Variants in IYD observed in about 807,000 individuals in gnomAD.
The protein encoded by IYD is iodotyrosine deiodinase 1.
Under a neutral mutation model 28.4 loss-of-function variants are expected in IYD, and 25 were observed. The observed-to-expected ratio is 0.88, with a 90% CI of 0.64 to 1.23. IYD has a LOEUF of 1.23. Ranked by LOEUF, IYD falls within the 50% of genes most tolerant of loss-of-function variation. The probability of loss-of-function intolerance (pLI) is 0.00; values close to 1 mark genes in which losing one functional copy is unlikely to be tolerated. For missense variants in IYD, 352 were observed against 357.9 expected (o/e 0.98, Z 0.13); for synonymous variants, 140 against 130.8 (o/e 1.07, Z -0.48).
intron 1 of IYD, among the ~76,000 whole-genome samples, chr6:150,387,986 A>C (rs971097519): frequency 6.6e-6 from 1 of 151,764 alleles, no homozygotes; most frequent in South Asian, 2.1e-4. Flanking sequence ...TGGGCATCTG[A>C]CTTTATTTTT....
intron 1 of IYD, among the ~76,000 whole-genome samples, chr6:150,388,626 T>TCTTTCTTTCTTTC (rs1365065110): frequency 3.9e-4 from 53 of 136,744 alleles, no homozygotes; most frequent in East Asian, 1.8e-3. Flanking sequence ...AGTCTGGAGT[T>TCTTTCTTTCTTTC]TTTGCTTTCT....
rs1362734951 is a variant in IYD at position 150,399,254 on chromosome 6, G to A, written c.*1017G>A. ...ACATTCATAGCTTGAAATTGCCCAT[G>A]GTGGGAGAGTTTACATCACAACCAC... is the stretch of plus-strand genomic sequence containing the variant. On this transcript the variant is annotated 3_prime_UTR_variant, in exon 5 of 5. Coordinates refer to ENST00000344419, the MANE Select transcript of IYD (RefSeq NM_203395.3). 1.3e-5 allele frequency: 2 copies of A among 152,164 alleles called. No homozygotes were observed. Among genetic ancestry groups the A allele is most frequent in the African/African-American group, 2.4e-5 (1 of 41,428 alleles). 9.4% of individuals were successfully genotyped at this position (152,164 alleles called of 1,614,324 possible).
chr6:150,391,611 G>A lies in IYD; in HGVS notation c.371-734G>A, dbSNP rs986008405. Among the ~76,000 whole-genome samples, 5 of 152,308 alleles carry A rather than the reference G, an allele frequency of 3.3e-5. 1 individual carries two copies. The South Asian group carries it at 8.3e-4, about 25-fold the overall frequency. On this transcript the variant is annotated intron_variant, in intron 2 of 4. Coordinates refer to ENST00000344419, the MANE Select transcript of IYD (RefSeq NM_203395.3). Reference sequence around the variant, plus strand: ...TTGATCATTGATCAGTTGGCCTGACGCTGAACAAAACAAACTTGGCAGCAG... The same window carrying A: ...TTGATCATTGATCAGTTGGCCTGACACTGAACAAAACAAACTTGGCAGCAG...
chr6:150,395,362 T>C (rs1176340473), intron 4 of IYD: 1 of 1,496,816 alleles, frequency 6.7e-7, no homozygotes, highest in Non-Finnish European at 9.0e-7. Context: ...GAATAACACC[T>C]CCCAAAATGT....
intron 1 of IYD, among the ~76,000 whole-genome samples, chr6:150,380,039 G>A (rs1376398930): frequency 6.6e-6 from 1 of 152,096 alleles, no homozygotes. Flanking sequence ...AGTGAGGGAG[G>A]AAGCTTTCCC....
intron 1 of IYD, 106 bp downstream of exon 1, chr6:150,369,315 C>A: frequency 9.5e-7 from 1 of 1,052,420 alleles, no homozygotes; most frequent in Non-Finnish European, 1.4e-6. Context: ...CACAGGCCAG[C>A]TTCAACATCA....
At position 150,370,013 on chromosome 6, in the gene IYD, G is replaced by A. The variant is rs531722634; in HGVS notation, c.178+804G>A. On this transcript the variant is annotated intron_variant, in intron 1 of 4. Coordinates refer to ENST00000344419, the MANE Select transcript of IYD (RefSeq NM_203395.3). ...GAAGAAGAGGTGATGAAGGAGGCAG[G>A]TAGGAAGGGAGAGAGCGTGGAGGAA... 89 of 702,296 alleles carry A rather than the reference G, an allele frequency of 1.3e-4. No homozygotes were observed. The African/African-American group carries it at 1.5e-3, about 12-fold the overall frequency. The allele number at this position is 702,296 out of a possible 1,614,324, so 43.5% of individuals were successfully genotyped here. A position where few individuals can be genotyped will look rare whatever the true frequency, so the allele number is the denominator to read the frequency against.
rs1464176478 is a variant in IYD at position 150,381,847 on chromosome 6, T to A, written c.179-7505T>A. On this transcript the variant is annotated intron_variant, in intron 1 of 4. Transcript: ENST00000344419. Reference sequence around the variant, plus strand: ...TATTCATTTTCACTATTGTATAGTATTCTGTTATATGACTATATCACAATT... The same window carrying A: ...TATTCATTTTCACTATTGTATAGTAATCTGTTATATGACTATATCACAATT... 5.3e-5 allele frequency among the ~76,000 whole-genome samples: 8 copies of A among 152,242 alleles called. No homozygotes were observed. The East Asian group carries it at 9.6e-4, about 18-fold the overall frequency.
In IYD at chr6:150,398,071, C is replaced by A; in HGVS notation, c.704C>A (p.Thr235Asn). ...LAALQNAGLV[T>N]VTTTPLNCGP... ...TTATTTTAGAATGCAGGTCTGGTGA[C>A]TGTCACTACCACTCCTCTCAACTGT... is the stretch of plus-strand genomic sequence containing the variant. The change falls in exon 5 of 5, where the codon ACT (threonine) becomes AAT (asparagine). Residue 235 changes from threonine (T) to asparagine (N), a missense_variant. Physicochemically the swap from Thr to Asn is moderately conservative, Grantham distance 65. Coordinates refer to ENST00000344419, the MANE Select transcript of IYD (RefSeq NM_203395.3). 6.2e-7 allele frequency: 1 copy of A among 1,614,178 alleles called. No homozygotes were observed. Among genetic ancestry groups the A allele is most frequent in the Non-Finnish European group, 8.5e-7 (1 of 1,180,018 alleles).
Position 150,401,721 on chromosome 6 carries a change from T to C in IYD, c.*3484T>C, listed in dbSNP as rs1778515692. The C allele has an allele frequency of 6.6e-6, 1 of 152,220 alleles. No individual in the cohort carries two copies. The highest frequency in any genetic ancestry group is 2.1e-4 in the South Asian group (1 of 4,826). The allele number at this position is 152,220 out of a possible 1,614,324, so 9.4% of individuals were successfully genotyped here. On this transcript the variant is annotated 3_prime_UTR_variant, in exon 5 of 5. Coordinates refer to ENST00000344419, the MANE Select transcript of IYD (RefSeq NM_203395.3). The stretch of plus-strand genomic sequence containing the variant: ...GGTCGGGGAGGCTTATAGATCCTCT[T>C]GCTGTTCTGAGGCCTTAAAACCAAA...
chr6:150,394,393 C>A, intron 4 of IYD, 138 bp downstream of exon 4: 1 of 861,932 alleles, frequency 1.2e-6, no homozygotes, highest in Non-Finnish European at 1.9e-6. Context: ...TGAAAACTGA[C>A]TCTGGAAACC....
Position 150,401,965 on chromosome 6 carries a change from C to T in IYD, c.*3728C>T, listed in dbSNP as rs923521880. 5 of 152,272 alleles carry T rather than the reference C, an allele frequency of 3.3e-5. No homozygotes were observed. The highest frequency in any genetic ancestry group is 2.1e-4 in the South Asian group (1 of 4,802). 9.4% of individuals were successfully genotyped at this position (152,272 alleles called of 1,614,324 possible). Reference sequence around the variant, plus strand: ...TCTGTTAAAGCACAGATTGCTGGGCCGCACCCTCAGGGTGTGTGATTGTGT... The same window carrying T: ...TCTGTTAAAGCACAGATTGCTGGGCTGCACCCTCAGGGTGTGTGATTGTGT... On this transcript the variant is annotated 3_prime_UTR_variant, in exon 5 of 5. Coordinates refer to ENST00000344419, the MANE Select transcript of IYD (RefSeq NM_203395.3).
Position 150,389,516 on chromosome 6 carries a change from GTCATTGATAATGTCA to G in IYD, c.347_361del (p.Ile116_Ile120del). ...AAGTAATGAGCAAGTCCCAATGGAA[GTCATTGATAATGTCA>G]TCAGAACGGCAGGTTTGTAATTGCA... On this transcript the variant is annotated inframe_deletion, in exon 2 of 5. Transcript: ENST00000344419. The G allele has an allele frequency of 6.2e-7, 1 of 1,614,138 alleles. No homozygotes were observed. The highest frequency in any genetic ancestry group is 2.2e-5 in the East Asian group (1 of 44,870).
intron 1 of IYD, among the ~76,000 whole-genome samples, chr6:150,376,070 T>C (rs1777433985): frequency 6.6e-6 from 1 of 152,180 alleles, no homozygotes; most frequent in African/African-American, 2.4e-5. Context: ...TATGGCACAA[T>C]TAACGGATTC....
chr6:150,399,935 G>A lies in IYD; in HGVS notation c.*1698G>A, dbSNP rs1347572930. On this transcript the variant is annotated 3_prime_UTR_variant, in exon 5 of 5. Transcript: ENST00000344419. The stretch of plus-strand genomic sequence containing the variant: ...TTAGGGTTTCAACATATGAATTGCG[G>A]GGGACACAAACATTCCGTCCATGGC... The A allele has an allele frequency of 6.6e-6, 1 of 152,260 alleles. No homozygotes were observed. Among genetic ancestry groups the A allele is most frequent in the African/African-American group, 2.4e-5 (1 of 41,418 alleles). The allele number at this position is 152,260 out of a possible 1,614,324, so 9.4% of individuals were successfully genotyped here.
intron 1 of IYD, among the ~76,000 whole-genome samples, chr6:150,388,805 G>A (rs1265835835): frequency 1.3e-5 from 2 of 149,912 alleles, no homozygotes; most frequent in Non-Finnish European, 3.0e-5. Context: ...AGGTTCAAGC[G>A]ATTCTCATGC....
chr6:150,402,202 T>C lies in IYD; in HGVS notation c.*3965T>C, dbSNP rs1363614241. The C allele has an allele frequency of 2.0e-5, 3 of 152,060 alleles. No homozygotes were observed. The highest frequency in any genetic ancestry group is 3.9e-4 in the East Asian group (2 of 5,186). The allele number at this position is 152,060 out of a possible 1,614,324, so 9.4% of individuals were successfully genotyped here. On this transcript the variant is annotated 3_prime_UTR_variant, in exon 5 of 5. Transcript: ENST00000344419. Reference sequence around the variant, plus strand: ...AAACCCTCCGAGACAATTACTTGCATGGGGTAACCCAGTAATACTGTGGGA... The same window carrying C: ...AAACCCTCCGAGACAATTACTTGCACGGGGTAACCCAGTAATACTGTGGGA...
At chr6:150,387,243 C>T (rs1777899376) in intron 1 of IYD, among the ~76,000 whole-genome samples, 1 of 151,954 alleles carries the variant, frequency 6.6e-6, no homozygotes, top group African/African-American at 2.4e-5. Context: ...TCACATTTTT[C>T]CCCTTGTAGC....
intron 1 of IYD, among the ~76,000 whole-genome samples, chr6:150,388,998 G>A (rs758400575): frequency 6.6e-5 from 10 of 152,058 alleles, no homozygotes; most frequent in Non-Finnish European, 1.5e-4. Context: ...CACCACGCCC[G>A]GACTTTTCTT....
Sources: gnomAD v4.1 joint callset for allele counts (sites outside exome capture counted in the v4.1 genomes callset) on GRCh38, gnomAD v4.1.1 for gene constraint, MANE v1.5 for transcripts, NCBI Gene and HGNC (gene_info 2026-07-23, HGNC 2026-07-21) for gene names.